The following KANK4 variants were observed in gnomAD, a reference collection of about 807,000 sequenced individuals.
The protein encoded by KANK4 is KN motif and ankyrin repeat domain-containing protein 4.
KANK4 carries 50 observed loss-of-function variants against 80.8 expected under a neutral mutation model. The ratio of observed to expected loss-of-function variants is 0.62; its 90% CI spans 0.49 to 0.78. The LOEUF is 0.78. Among genes scored for constraint, KANK4 ranks in the 30% least tolerant of loss-of-function variants. The pLI, the probability that KANK4 is intolerant of heterozygous loss-of-function variation, is 0.00. For synonymous variants in KANK4, 465 were observed against 506.9 expected, an observed-to-expected ratio of 0.92 and a Z score of 1.11; for missense variants, 1,196 against 1,240.1, an observed-to-expected ratio of 0.96 and a Z score of 0.53.
chr1:62,294,097 T>C (rs1232477994), intron 1 of KANK4, among the ~76,000 whole-genome samples: 1 of 152,238 alleles, frequency 6.6e-6, no homozygotes, highest in Non-Finnish European at 1.5e-5. Flanking sequence ...AAAATTACTT[T>C]TAGGAGTTTC....
rs1463634468 is a variant in KANK4, at chr1:62,266,769, T to C, written c.2282A>G (p.His761Arg). ...TGTGGTGGTCCCAGTTTCTGGCAGA[T>C]GCTGGCTCAGTGCCCGGCATGCATT... Reference protein sequence around the residue: ...FLNACRALSQHLPETGTTTDQ... With the variant: ...FLNACRALSQRLPETGTTTDQ... Residue 761 changes from histidine (H) to arginine (R), a missense_variant, in exon 6 of 10, where the codon CAT becomes CGT. Physicochemically the swap from His to Arg is conservative, Grantham distance 29. Around this residue, in one of 3 missense-constraint regions of KANK4, gnomAD observed 1,154 missense variants for 1,179.6 expected, o/e 0.98. Coordinates refer to ENST00000371153, the MANE Select transcript of KANK4 (RefSeq NM_181712.5). 1 of 1,613,454 alleles carries C rather than the reference T, an allele frequency of 6.2e-7. No homozygotes were observed. Among genetic ancestry groups the C allele is most frequent in the Admixed American group, 1.7e-5 (1 of 60,022 alleles).
chr1:62,276,221 A>C (rs1264169517), intron 2 of KANK4, among the ~76,000 whole-genome samples: 2 of 152,176 alleles, frequency 1.3e-5, no homozygotes, highest in East Asian at 3.9e-4. Context: ...GCCTGTTGCC[A>C]AGCAACCTCT....
Position 62,291,913 on chromosome 1 carries a change from A to AT in KANK4, c.-70-10280dup, listed in dbSNP as rs35258167. On this transcript the variant is annotated intron_variant, in intron 1 of 9. Coordinates refer to ENST00000371153, the MANE Select transcript of KANK4 (RefSeq NM_181712.5). ...TGAGCTACCATACTCAGACAACTTT[A>AT]TTTTTTTGCATGGGAATATTCAGTT... Among the ~76,000 whole-genome samples, 6 of 152,156 alleles carry AT rather than the reference A, an allele frequency of 3.9e-5. No homozygotes were observed. In the East Asian group the frequency reaches 1.2e-3, roughly 29 times the overall value.
At chr1:62,280,036 G>T (rs555577327) in intron 2 of KANK4, among the ~76,000 whole-genome samples, 1 of 152,278 alleles carries the variant, frequency 6.6e-6, no homozygotes, top group South Asian at 2.1e-4. Flanking sequence ...ATTATCTGAA[G>T]GGACAAGTGA....
At chr1:62,313,234 A>G (rs1323596148) in intron 1 of KANK4, among the ~76,000 whole-genome samples, 6 of 152,226 alleles carry the variant, frequency 3.9e-5, no homozygotes, top group African/African-American at 1.4e-4. Context: ...GTTCAGTACT[A>G]TCCATGGTTT....
intron 1 of KANK4, among the ~76,000 whole-genome samples, chr1:62,313,754 G>A (rs1249223434): frequency 6.6e-6 from 1 of 152,044 alleles, no homozygotes; most frequent in Non-Finnish European, 1.5e-5. Context: ...ATGCATGCGG[G>A]GCTTAAAACC....
intron 1 of KANK4, among the ~76,000 whole-genome samples, chr1:62,288,650 G>A (rs566010444): frequency 3.9e-5 from 6 of 152,042 alleles, no homozygotes; most frequent in African/African-American, 1.4e-4. Context: ...CTACAAAGCA[G>A]ATGTAATTTT....
At chr1:62,266,414 C>T (rs113831589) in intron 6 of KANK4, among the ~76,000 whole-genome samples, 3,003 of 150,508 alleles carry the variant, frequency 0.02, 106 homozygotes, top group African/African-American at 0.069. Flanking sequence ...CACTGTGCAC[C>T]GTACGCTCAC....
At chr1:62,284,926 T>A (rs911720461) in intron 1 of KANK4, among the ~76,000 whole-genome samples, 1 of 152,194 alleles carries the variant, frequency 6.6e-6, no homozygotes, top group Non-Finnish European at 1.5e-5. Context: ...ACTCAGTCCA[T>A]GGTTCTTAGA....
chr1:62,278,988 T>C (rs924063082), intron 2 of KANK4, among the ~76,000 whole-genome samples: 1 of 152,190 alleles, frequency 6.6e-6, no homozygotes, highest in Non-Finnish European at 1.5e-5. Flanking sequence ...TATCTGCTTA[T>C]TGCCTCAATT....
At position 62,263,282 on chromosome 1, in the gene KANK4, C is replaced by T; in HGVS notation, c.2349G>A (p.Glu783=). The part of the protein sequence containing the change: ...LRQSLNTISQ[E]WFRVSSRKSS... ...ACTTCCGGCTGGAGACGCGGAACCA[C>T]TCTTGACTGATGGTGTTCAAGCTTT... Residue 783 remains glutamate, a synonymous_variant, in exon 7 of 10, where the codon GAG becomes GAA. Transcript: ENST00000371153. 2.5e-6 allele frequency: 4 copies of T among 1,613,460 alleles called. No individual in the cohort carries two copies. The South Asian group carries it at 3.3e-5, about 13-fold the overall frequency.
In KANK4 at chr1:62,274,439, G is replaced by A; in HGVS notation, c.665C>T (p.Thr222Ile). The stretch of plus-strand genomic sequence containing the variant: ...CTCCTGGACCAGCTCTGGAATCCGA[G>A]TTGATGCTCGTGGGCTGGAGCTGTG... ...GFHSSSPRAS[T>I]RIPELVQEGA... The change falls in exon 3 of 10, where the codon ACT becomes ATT. Residue 222 changes from threonine to isoleucine, a missense_variant. Physicochemically the swap from Thr to Ile is moderately conservative, Grantham distance 89. Coordinates refer to ENST00000371153, the MANE Select transcript of KANK4 (RefSeq NM_181712.5). The A allele has an allele frequency of 6.2e-7, 1 of 1,614,196 alleles. No individual in the cohort carries two copies. The highest frequency in any genetic ancestry group is 8.5e-7 in the Non-Finnish European group (1 of 1,180,036).
At position 62,274,228 on chromosome 1, in the gene KANK4, G is replaced by A. The variant is rs751588423; in HGVS notation, c.876C>T (p.Pro292=). The change falls in exon 3 of 10, where the codon CCC becomes CCT. Residue 292 remains proline (P), a synonymous_variant. Coordinates refer to ENST00000371153, the MANE Select transcript of KANK4 (RefSeq NM_181712.5). ...CCAGGAGGAGCTCATTCTCAGGGAT[G>A]GGTGATGGCAGAGGTGGCGGGCTTG... ...PTPSPPPLPS[P]IPENELLLEE... 18 of 1,614,002 alleles carry A rather than the reference G, an allele frequency of 1.1e-5. No individual in the cohort carries two copies. Among genetic ancestry groups the A allele is most frequent in the Non-Finnish European group, 2.5e-6 (3 of 1,179,990 alleles).
chr1:62,281,074 G>A (rs1672441533), intron 2 of KANK4, among the ~76,000 whole-genome samples: 2 of 152,144 alleles, frequency 1.3e-5, no homozygotes, highest in Admixed American at 6.5e-5. Flanking sequence ...TGATACCCCA[G>A]ATATGTGAGT....
Position 62,245,625 on chromosome 1 carries a change from G to C in KANK4, c.2883+1847C>G, listed in dbSNP as rs565213837. 3.0e-4 allele frequency among the ~76,000 whole-genome samples: 45 copies of C among 152,258 alleles called. No individual in the cohort carries two copies. In the South Asian group the frequency reaches 8.9e-3, roughly 30 times the overall value. ...ACCTGGGCTTGAATCTCTGCTCTGC[G>C]AATCAGTAGCTTGAAAATCTTAGGA... On this transcript the variant is annotated intron_variant, in intron 9 of 9. Coordinates refer to ENST00000371153, the MANE Select transcript of KANK4 (RefSeq NM_181712.5).
chr1:62,305,119 G>A (rs1426359568), intron 1 of KANK4, among the ~76,000 whole-genome samples: 1 of 152,178 alleles, frequency 6.6e-6, no homozygotes, highest in African/African-American at 2.4e-5. Context: ...ACTAAGAGGG[G>A]TTGACCTTTC....
rs759887895 is a variant in KANK4, at chr1:62,274,203, C to T, written c.901G>A (p.Glu301Lys). The T allele has an allele frequency of 9.9e-6, 16 of 1,614,032 alleles. No homozygotes were observed. The highest frequency in any genetic ancestry group is 1.4e-5 in the Non-Finnish European group (16 of 1,180,028). ...SPIPENELLL[E>K]EIELNISEIP... ...TCGCTGATGTTGAGCTCGATTTCTT[C>T]CAGGAGGAGCTCATTCTCAGGGATG... is the stretch of plus-strand genomic sequence containing the variant. The change falls in exon 3 of 10, where the codon GAA becomes AAA. Residue 301 changes from glutamate (E) to lysine (K), a missense_variant. Glu to Lys is a moderately conservative substitution (Grantham distance 56, BLOSUM62 1). This residue lies in a region of KANK4 where 1,154 missense variants were observed against 1,179.6 expected (regional missense o/e 0.98). Transcript: ENST00000371153.
intron 4 of KANK4, among the ~76,000 whole-genome samples, chr1:62,270,443 A>G (rs1672133531): frequency 6.6e-6 from 1 of 150,530 alleles, no homozygotes; most frequent in South Asian, 2.1e-4. Flanking sequence ...ATGCAGTGGC[A>G]CAATCTCGGC....
At chr1:62,305,309 AT>A (rs10710729) in intron 1 of KANK4, among the ~76,000 whole-genome samples, 51,892 of 151,142 alleles carry the variant, frequency 0.34, 9,496 homozygotes, top group East Asian at 0.64. Flanking sequence ...ATTGCTTGAG[AT>A]TTTTTTTTTC....
Sources: allele counts gnomAD v4.1 joint callset (sites outside exome capture counted in the v4.1 genomes callset), GRCh38; gene constraint gnomAD v4.1.1; regional missense constraint gnomAD v4.1.1; transcripts MANE v1.5; gene names NCBI Gene and HGNC (gene_info 2026-07-23, HGNC 2026-07-21).